Variants in PLAG1 observed in about 807,000 individuals in gnomAD.
The protein encoded by PLAG1 is PLAG1 zinc finger.
In PLAG1, 7 loss-of-function variants were observed where a neutral mutation model predicts 35.5. That is an observed-to-expected ratio of 0.20 (90% CI 0.11 to 0.37). The LOEUF (loss-of-function observed/expected upper bound fraction) is 0.37. Among genes scored for constraint, PLAG1 ranks in the 10% least tolerant of loss-of-function variants. The probability of loss-of-function intolerance (pLI) is 1.00; values close to 1 mark genes in which losing one functional copy is unlikely to be tolerated. For missense variants in PLAG1, 454 were observed against 602.8 expected (o/e 0.75, Z 2.58); for synonymous variants, 229 against 225.4 (o/e 1.02, Z -0.14).
intron 1 of PLAG1, among the ~76,000 whole-genome samples, chr8:56,183,687 A>G (rs896497969): frequency 6.6e-6 from 1 of 152,190 alleles, no homozygotes; most frequent in Non-Finnish European, 1.5e-5. Context: ...ATGTCTTTAC[A>G]ATCTTTACAA....
chr8:56,193,491 T>A (rs1220665623), intron 1 of PLAG1, among the ~76,000 whole-genome samples: 1 of 152,212 alleles, frequency 6.6e-6, no homozygotes, highest in African/African-American at 2.4e-5. Flanking sequence ...AAATTATTTA[T>A]ACAGTTTATG....
intron 2 of PLAG1, among the ~76,000 whole-genome samples, chr8:56,177,704 T>C (rs1270414310): frequency 6.6e-6 from 1 of 152,200 alleles, no homozygotes; most frequent in Admixed American, 6.5e-5. Context: ...TGAACAGAAC[T>C]GTGGTCCCTT....
At chr8:56,182,933 A>C (rs569342807) in intron 1 of PLAG1, among the ~76,000 whole-genome samples, 1 of 152,292 alleles carries the variant, frequency 6.6e-6, no homozygotes, top group South Asian at 2.1e-4. Flanking sequence ...AGGTATGTTC[A>C]TCCTGCTAAG....
intron 2 of PLAG1, among the ~76,000 whole-genome samples, chr8:56,174,447 A>T (rs1248026628): frequency 6.6e-6 from 1 of 152,210 alleles, no homozygotes. Flanking sequence ...CATAGTCTGT[A>T]AAATCACTTA....
At chr8:56,190,217 A>G (rs991795402) in intron 1 of PLAG1, among the ~76,000 whole-genome samples, 1 of 152,228 alleles carries the variant, frequency 6.6e-6, no homozygotes, top group Non-Finnish European at 1.5e-5. Context: ...GAGCAGGGTA[A>G]GGACTAGGGG....
At position 56,163,227 on chromosome 8, in the gene PLAG1, T is replaced by C; in HGVS notation, c.*3016A>G. ...GTTAATCCCTTTTTTTTTTTTTTTT[T>C]TTTTTTTTTAACCAAGCTAAGGCAC... is the stretch of plus-strand genomic sequence containing the variant. On this transcript the variant is annotated 3_prime_UTR_variant, in exon 5 of 5. Coordinates refer to ENST00000316981, the MANE Select transcript of PLAG1 (RefSeq NM_002655.3). 1 of 182,748 alleles carries C rather than the reference T, an allele frequency of 5.5e-6. No homozygotes were observed. Among genetic ancestry groups the C allele is most frequent in the Non-Finnish European group, 1.1e-5 (1 of 87,050 alleles). 11.3% of individuals were successfully genotyped at this position (182,748 alleles called of 1,614,324 possible).
At chr8:56,180,760 A>C (rs1811841007) in intron 1 of PLAG1, among the ~76,000 whole-genome samples, 1 of 152,182 alleles carries the variant, frequency 6.6e-6, no homozygotes, top group Non-Finnish European at 1.5e-5. Flanking sequence ...CAGGTTTATC[A>C]AAGAGTGAAC....
intron 1 of PLAG1, among the ~76,000 whole-genome samples, chr8:56,207,993 T>C (rs1431169302): frequency 6.6e-6 from 1 of 152,102 alleles, no homozygotes; most frequent in Non-Finnish European, 1.5e-5. Flanking sequence ...AGCACTTTTA[T>C]TTAGATTGAC....
chr8:56,178,984 C>T (rs991148615), intron 2 of PLAG1, among the ~76,000 whole-genome samples: 4 of 146,748 alleles, frequency 2.7e-5, no homozygotes, highest in African/African-American at 1.0e-4. Flanking sequence ...TAATCCCCCT[C>T]TCCACCTGCC....
At chr8:56,171,860 T>C (rs368841803) in intron 2 of PLAG1, among the ~76,000 whole-genome samples, 1 of 152,228 alleles carries the variant, frequency 6.6e-6, no homozygotes, top group Non-Finnish European at 1.5e-5. Flanking sequence ...GAGGTCATTG[T>C]TGAAAACTCT....
At chr8:56,208,392 A>G (rs1812757123) in intron 1 of PLAG1, among the ~76,000 whole-genome samples, 1 of 152,150 alleles carries the variant, frequency 6.6e-6, no homozygotes, top group Admixed American at 6.5e-5. Context: ...ATGAGTTCTT[A>G]GAAAGTTGTA....
At position 56,162,665 on chromosome 8, in the gene PLAG1, T is replaced by TA; in HGVS notation, c.*3577dup. ...TAGAGGTTGACCAAGCTCTATTTTT[T>TA]AAAAAAATATTGGCCTATAATATGT... On this transcript the variant is annotated 3_prime_UTR_variant, in exon 5 of 5. Coordinates refer to ENST00000316981, the MANE Select transcript of PLAG1 (RefSeq NM_002655.3). 4.8e-6 allele frequency: 1 copy of TA among 209,684 alleles called. No homozygotes were observed. Among genetic ancestry groups the TA allele is most frequent in the East Asian group, 7.3e-5 (1 of 13,694 alleles). 13.0% of individuals were successfully genotyped at this position (209,684 alleles called of 1,614,324 possible).
intron 1 of PLAG1, among the ~76,000 whole-genome samples, chr8:56,205,949 A>G (rs1022166375): frequency 6.6e-6 from 1 of 152,038 alleles, no homozygotes; most frequent in Non-Finnish European, 1.5e-5. Context: ...ATCCTGTAGT[A>G]ACTCTGTTTA....
chr8:56,182,427 A>C (rs1811897824), intron 1 of PLAG1, among the ~76,000 whole-genome samples: 1 of 152,190 alleles, frequency 6.6e-6, no homozygotes, highest in Non-Finnish European at 1.5e-5. Context: ...ATGAGGCAAA[A>C]TCAGCTAATT....
In PLAG1 at chr8:56,190,259, G is replaced by A. The variant is rs1812144605; in HGVS notation, c.-321-10746C>T. The stretch of plus-strand genomic sequence containing the variant: ...GGCATACAGCAGAGACCATGGCACT[G>A]CAAGGTGTGGAAAGGGGCACGGAGA... On this transcript the variant is annotated intron_variant, in intron 1 of 4. Transcript: ENST00000316981. Among the ~76,000 whole-genome samples, 2 of 152,312 alleles carry A rather than the reference G, an allele frequency of 1.3e-5. 1 individual carries two copies. The highest frequency in any genetic ancestry group is 4.1e-4 in the South Asian group (2 of 4,826).
At position 56,166,839 on chromosome 8, in the gene PLAG1, A is replaced by G. The variant is rs935841196; in HGVS notation, c.907T>C (p.Ser303Pro). ...TPFQSMQSSGSAHQMITTLPL... is the reference protein window; with the variant it reads ...TPFQSMQSSGPAHQMITTLPL... ...AAAGTTGTGATCATTTGGTGGGCAG[A>G]TCCCGAGCTCTGCATGGACTGAAAT... The change falls in exon 5 of 5, where the codon TCT becomes CCT. Residue 303 changes from serine (S) to proline (P), a missense_variant. Coordinates refer to ENST00000316981, the MANE Select transcript of PLAG1 (RefSeq NM_002655.3). The G allele has an allele frequency of 6.2e-7, 1 of 1,614,008 alleles. No individual in the cohort carries two copies. The highest frequency in any genetic ancestry group is 8.5e-7 in the Non-Finnish European group (1 of 1,179,990).
intron 2 of PLAG1, among the ~76,000 whole-genome samples, chr8:56,175,902 C>T (rs532813094): frequency 4.1e-4 from 63 of 152,260 alleles, no homozygotes; most frequent in African/African-American, 1.5e-3. Context: ...AGAGAATGAA[C>T]AGATAACCCA....
chr8:56,203,308 A>G (rs948234293), intron 1 of PLAG1, among the ~76,000 whole-genome samples: 1 of 152,172 alleles, frequency 6.6e-6, no homozygotes, highest in African/African-American at 2.4e-5. Flanking sequence ...TCAGTTTAAT[A>G]TTTAAAGCTT....
chr8:56,182,835 T>G (rs1251374906), intron 1 of PLAG1, among the ~76,000 whole-genome samples: 2 of 152,070 alleles, frequency 1.3e-5, no homozygotes, highest in African/African-American at 4.8e-5. Context: ...CTTGGAAGAA[T>G]CAGGGTAGAA....
Sources: gnomAD v4.1 joint callset for allele counts (sites outside exome capture counted in the v4.1 genomes callset) on GRCh38, gnomAD v4.1.1 for gene constraint, MANE v1.5 for transcripts, NCBI Gene and HGNC (gene_info 2026-07-23, HGNC 2026-07-21) for gene names.